The following CLSTN2 variants were observed in gnomAD, a reference collection of about 807,000 sequenced individuals.
CLSTN2 encodes the protein calsyntenin 2.
Under a neutral mutation model 101.2 loss-of-function variants are expected in CLSTN2, and 48 were observed. That is an observed-to-expected ratio of 0.47 (90% CI 0.38 to 0.60). CLSTN2 has a LOEUF of 0.60. Among genes scored for constraint, CLSTN2 ranks in the 20% least tolerant of loss-of-function variants. The probability of loss-of-function intolerance (pLI) is 0.00; values close to 1 mark genes in which losing one functional copy is unlikely to be tolerated. For synonymous variants in CLSTN2, 481 were observed against 463.6 expected (o/e 1.04, Z -0.48); for missense variants, 1,160 against 1,238.2 (o/e 0.94, Z 0.95).
chr3:140,498,137 C>T (rs904671995), intron 8 of CLSTN2, among the ~76,000 whole-genome samples: 4 of 152,178 alleles, frequency 2.6e-5, no homozygotes, highest in Admixed American at 1.3e-4. Context: ...TGGACTCTCC[C>T]CCAAGACATT....
At chr3:140,528,109 TA>T (rs1242982372) in intron 8 of CLSTN2, among the ~76,000 whole-genome samples, 2 of 152,196 alleles carry the variant, frequency 1.3e-5, no homozygotes, top group Non-Finnish European at 2.9e-5. Context: ...TCTTTCTCCT[TA>T]ATTTTCTAAT....
At chr3:139,997,149 G>A (rs1324142552) in intron 1 of CLSTN2, among the ~76,000 whole-genome samples, 2 of 151,688 alleles carry the variant, frequency 1.3e-5, no homozygotes, top group South Asian at 2.1e-4. Flanking sequence ...CATAGGTGCT[G>A]TTTATAGATT....
chr3:140,575,255 G>A lies in CLSTN2; in HGVS notation c.*9002G>A, dbSNP rs1985697068. 6.6e-6 allele frequency: 1 copy of A among 152,122 alleles called. No homozygotes were observed. Among genetic ancestry groups the A allele is most frequent in the South Asian group, 2.1e-4 (1 of 4,824 alleles). The allele number at this position is 152,122 out of a possible 1,614,324, so 9.4% of individuals were successfully genotyped here. A position where few individuals can be genotyped will look rare whatever the true frequency, so the allele number is the denominator to read the frequency against. On this transcript the variant is annotated 3_prime_UTR_variant, in exon 17 of 17. Transcript: ENST00000458420. ...AAAAAGTAAGATAGGAGATATTGAG[G>A]GAAAATGTGACTCATAGTTGGAGAG...
chr3:140,311,915 C>G (rs1220036485), intron 2 of CLSTN2, among the ~76,000 whole-genome samples: 6 of 152,180 alleles, frequency 3.9e-5, no homozygotes, highest in African/African-American at 1.2e-4. Flanking sequence ...AGTCGCATCT[C>G]TAATTATGAA....
intron 2 of CLSTN2, among the ~76,000 whole-genome samples, chr3:140,287,292 T>C (rs1258210569): frequency 6.6e-6 from 1 of 152,190 alleles, no homozygotes; most frequent in African/African-American, 2.4e-5. Context: ...GCACATCGCA[T>C]ATGATTCCAT....
chr3:140,370,848 A>G (rs1285232255), intron 2 of CLSTN2, among the ~76,000 whole-genome samples: 1 of 152,106 alleles, frequency 6.6e-6, no homozygotes, highest in Non-Finnish European at 1.5e-5. Flanking sequence ...TTCCATCATA[A>G]TCTAAGCACA....
intron 1 of CLSTN2, among the ~76,000 whole-genome samples, chr3:140,155,543 C>T (rs2009940357): frequency 6.6e-6 from 1 of 152,068 alleles, no homozygotes; most frequent in African/African-American, 2.4e-5. Flanking sequence ...GTCAGGGGCT[C>T]ATATTTAAGA....
rs1187562742 is a variant in CLSTN2 at position 140,556,612 on chromosome 3, C to A, written c.1774C>A (p.Gln592Lys). Reference sequence around the variant, plus strand: ...GAAAGTCTCCTACATCAACTCCAGGCAGTTCCCAACGGCGGGTGTGCGGCG... The same window carrying A: ...GAAAGTCTCCTACATCAACTCCAGGAAGTTCCCAACGGCGGGTGTGCGGCG... ...LQKVSYINSRQFPTAGVRRLK... is the reference protein window; with the variant it reads ...LQKVSYINSRKFPTAGVRRLK... The change falls in exon 11 of 17, where the codon CAG becomes AAG. Residue 592 changes from glutamine (Q) to lysine (K), a missense_variant. Physicochemically the swap from Gln to Lys is moderately conservative, Grantham distance 53. Transcript: ENST00000458420. 1.9e-6 allele frequency: 3 copies of A among 1,614,000 alleles called. No individual in the cohort carries two copies. The Admixed American group carries it at 5.0e-5, about 27-fold the overall frequency.
chr3:139,959,314 C>G (rs933661222), intron 1 of CLSTN2, among the ~76,000 whole-genome samples: 1 of 152,192 alleles, frequency 6.6e-6, no homozygotes, highest in African/African-American at 2.4e-5. Flanking sequence ...TTCCCATTCT[C>G]CATCACTTGG....
chr3:140,290,194 C>T (rs2086935015), intron 2 of CLSTN2, among the ~76,000 whole-genome samples: 1 of 152,018 alleles, frequency 6.6e-6, no homozygotes, highest in Non-Finnish European at 1.5e-5. Context: ...AGTGTTTGAG[C>T]CTGTTTTGGA....
chr3:140,250,769 TC>T (rs1330962269), intron 2 of CLSTN2, among the ~76,000 whole-genome samples: 6 of 152,158 alleles, frequency 3.9e-5, no homozygotes, highest in African/African-American at 9.7e-5. Flanking sequence ...ATCACTTTTT[TC>T]CCCCAAACTC....
intron 2 of CLSTN2, among the ~76,000 whole-genome samples, chr3:140,211,979 T>A (rs760663336): frequency 6.6e-6 from 1 of 152,216 alleles, no homozygotes; most frequent in Non-Finnish European, 1.5e-5. Flanking sequence ...TAAACCTGCA[T>A]AGATTTTCCC....
At chr3:140,543,925 A>G (rs1354764750) in intron 9 of CLSTN2, among the ~76,000 whole-genome samples, 1 of 152,208 alleles carries the variant, frequency 6.6e-6, no homozygotes, top group Non-Finnish European at 1.5e-5. Flanking sequence ...AATCAATCAC[A>G]GGTGCAATAG....
At chr3:140,407,238 G>A (rs755955866) in intron 4 of CLSTN2, among the ~76,000 whole-genome samples, 11 of 152,178 alleles carry the variant, frequency 7.2e-5, no homozygotes, top group Non-Finnish European at 1.3e-4. Context: ...ATGCTCATAA[G>A]GAAAGTGCTT....
chr3:140,444,751 A>G (rs1030991517), intron 5 of CLSTN2, among the ~76,000 whole-genome samples: 2 of 152,246 alleles, frequency 1.3e-5, no homozygotes, highest in Non-Finnish European at 2.9e-5. Context: ...CAGAAGAGGA[A>G]ACTGAGGCTC....
chr3:140,419,034 T>TAAA (rs150492676), intron 4 of CLSTN2, among the ~76,000 whole-genome samples: 3,065 of 150,924 alleles, frequency 0.02, 97 homozygotes, highest in African/African-American at 0.069. Flanking sequence ...GACCTTTTTT[T>TAAA]AAAAAAAAAA....
intron 1 of CLSTN2, among the ~76,000 whole-genome samples, chr3:139,960,072 G>A (rs1164046589): frequency 2.6e-5 from 4 of 152,126 alleles, no homozygotes; most frequent in Non-Finnish European, 4.4e-5. Context: ...TGCTTTATTC[G>A]TGGTGTGTGT....
chr3:140,205,829 A>G (rs989792761), intron 2 of CLSTN2, among the ~76,000 whole-genome samples: 1 of 152,160 alleles, frequency 6.6e-6, no homozygotes, highest in Non-Finnish European at 1.5e-5. Context: ...GCAGACAGCC[A>G]TGACTCATGA....
chr3:139,995,715 G>A (rs1026118342), intron 1 of CLSTN2, among the ~76,000 whole-genome samples: 21 of 152,030 alleles, frequency 1.4e-4, no homozygotes, highest in Middle Eastern at 6.3e-3. Flanking sequence ...TTAAGGGGCC[G>A]CAGATCTATC....
Sources: allele counts gnomAD v4.1 joint callset (sites outside exome capture counted in the v4.1 genomes callset), GRCh38; gene constraint gnomAD v4.1.1; transcripts MANE v1.5; gene names NCBI Gene and HGNC (gene_info 2026-07-23, HGNC 2026-07-21).